The following GPNMB variants were observed in gnomAD, a reference collection of about 807,000 sequenced individuals.
GPNMB encodes transmembrane glycoprotein NMB.
Under a neutral mutation model 57.3 loss-of-function variants are expected in GPNMB, and 71 were observed. The ratio of observed to expected loss-of-function variants is 1.24; its 90% CI spans 1.02 to 1.51. The LOEUF (loss-of-function observed/expected upper bound fraction) is 1.51, where lower values mean the gene tolerates loss of function less well. GPNMB is among the 40% of genes most tolerant of loss of function. GPNMB has a pLI of 0.00. For synonymous variants in GPNMB, 253 were observed against 263.2 expected (o/e 0.96, Z 0.38); for missense variants, 677 against 691.9 (o/e 0.98, Z 0.24).
At chr7:23,262,436 G>C (rs991436607) in intron 6 of GPNMB, among the ~76,000 whole-genome samples, 3 of 151,530 alleles carry the variant, frequency 2.0e-5, no homozygotes, top group East Asian at 3.9e-4. Flanking sequence ...GTGTAAATGG[G>C]TTCATTTACA....
chr7:23,260,342 T>C, intron 5 of GPNMB, 114 bp from the exon 6 acceptor site: 2 of 1,073,924 alleles, frequency 1.9e-6, no homozygotes, highest in Non-Finnish European at 2.7e-6. Context: ...AAAAGGAAAA[T>C]AATGCTAAAT....
Position 23,269,958 on chromosome 7 carries a change from C to T in GPNMB, c.1221-9C>T, listed in dbSNP as rs1562643594. 1 of 1,611,344 alleles carries T rather than the reference C, an allele frequency of 6.2e-7. No individual in the cohort carries two copies. On this transcript the variant is annotated splice_polypyrimidine_tract_variant and intron_variant, in intron 8 of 10. Transcript: ENST00000258733. ...CCCTGTGCGCCCTCGCCCACCTCCC[C>T]TGTCGCAGCATTCCCACGGAGGTCT... is the stretch of plus-strand genomic sequence containing the variant.
At chr7:23,247,832 C>T (rs2128480246) in intron 1 of GPNMB, 1 of 152,402 alleles carries the variant, frequency 6.6e-6, no homozygotes, top group South Asian at 2.1e-4. Flanking sequence ...AGTCCCATCA[C>T]AGGGAGCTGA....
chr7:23,267,713 C>T (rs560187413), intron 7 of GPNMB, among the ~76,000 whole-genome samples, 173 bp from the exon 8 acceptor site: 1 of 152,214 alleles, frequency 6.6e-6, no homozygotes, highest in African/African-American at 2.4e-5. Flanking sequence ...AGGCTTCACC[C>T]TCATGACCTA....
chr7:23,260,459 A>G lies in GPNMB; in HGVS notation c.704A>G (p.Gln235Arg). The change falls in exon 6 of 11, where the codon CAG becomes CGG. Residue 235 changes from glutamine (Q) to arginine (R), a missense_variant. By Grantham distance (43) the Gln-to-Arg change is conservative. Transcript: ENST00000258733. ...CTTTGGGGGATGTATCTTTTAGATC[A>G]GATTCCTGTGTTTGTGACTATGTTC... ...QVKDVYVVTD[Q>R]IPVFVTMFQK... The G allele has an allele frequency of 1.9e-6, 3 of 1,607,322 alleles. No homozygotes were observed. Among genetic ancestry groups the G allele is most frequent in the Non-Finnish European group, 2.6e-6 (3 of 1,175,428 alleles).
chr7:23,271,186 A>G (rs7794684), intron 9 of GPNMB, among the ~76,000 whole-genome samples: 52,329 of 152,068 alleles, frequency 0.34, 9,137 homozygotes, highest in Middle Eastern at 0.45. Context: ...TTGCACTCCT[A>G]TGAGAATGTA....
In GPNMB at chr7:23,274,456, C is replaced by T. The variant is rs143874114; in HGVS notation, c.*232C>T. ...AAAGCAACTTAGCAAGGCTTCTTTT[C>T]ATTATTTTTTATGTTTCACTTATAA... On this transcript the variant is annotated 3_prime_UTR_variant, in exon 11 of 11. Transcript: ENST00000258733. 1 of 395,458 alleles carries T rather than the reference C, an allele frequency of 2.5e-6. No homozygotes were observed. The highest frequency in any genetic ancestry group is 2.1e-5 in the African/African-American group (1 of 47,994). The allele number at this position is 395,458 out of a possible 1,614,324, so 24.5% of individuals were successfully genotyped here. A position where few individuals can be genotyped will look rare whatever the true frequency, so the allele number is the denominator to read the frequency against.
chr7:23,271,719 C>T (rs1033996559), intron 9 of GPNMB, among the ~76,000 whole-genome samples: 1 of 151,918 alleles, frequency 6.6e-6, no homozygotes, highest in South Asian at 2.1e-4. Flanking sequence ...TAATTTGAAC[C>T]CTGGAGGCAG....
chr7:23,254,957 G>C (rs1236628043), intron 3 of GPNMB, among the ~76,000 whole-genome samples: 1 of 152,100 alleles, frequency 6.6e-6, no homozygotes, highest in Non-Finnish European at 1.5e-5. Flanking sequence ...TATCACCTGA[G>C]GTCAGGAGTT....
chr7:23,269,958 CT>C lies in GPNMB; in HGVS notation c.1221-8del. The stretch of plus-strand genomic sequence containing the variant: ...CCCTGTGCGCCCTCGCCCACCTCCC[CT>C]GTCGCAGCATTCCCACGGAGGTCTG... On this transcript the variant is annotated splice_polypyrimidine_tract_variant and splice_region_variant and intron_variant, in intron 8 of 10. Transcript: ENST00000258733. 6.2e-7 allele frequency: 1 copy of C among 1,611,344 alleles called. No homozygotes were observed. Among genetic ancestry groups the C allele is most frequent in the Non-Finnish European group, 8.5e-7 (1 of 1,177,628 alleles).
In GPNMB at chr7:23,254,149, C is replaced by T; in HGVS notation, c.224-20C>T. On this transcript the variant is annotated intron_variant, in intron 2 of 10. Coordinates refer to ENST00000258733, the MANE Select transcript of GPNMB (RefSeq NM_002510.3). ...GGAAAAAGATGCTGGATCATCGAGCCCCACTTTTTTATACCCTAGGAGGCC... is the reference window on the plus strand; with the variant it reads ...GGAAAAAGATGCTGGATCATCGAGCTCCACTTTTTTATACCCTAGGAGGCC... 1.3e-6 allele frequency: 2 copies of T among 1,586,294 alleles called. No homozygotes were observed. The highest frequency in any genetic ancestry group is 1.7e-6 in the Non-Finnish European group (2 of 1,169,482).
chr7:23,251,621 C>T (rs2128480938), intron 1 of GPNMB, among the ~76,000 whole-genome samples: 1 of 152,312 alleles, frequency 6.6e-6, no homozygotes, highest in Non-Finnish European at 1.5e-5. Flanking sequence ...TTTGTGTCCT[C>T]ATAGTTAAAT....
At chr7:23,273,647 A>C in intron 10 of GPNMB, 33 bp downstream of exon 10, 1 of 1,256,726 alleles carries the variant, frequency 8.0e-7, no homozygotes, top group Non-Finnish European at 1.2e-6. Context: ...TTATATCACT[A>C]TAGTGTATTG....
chr7:23,253,187 A>G, intron 1 of GPNMB, 120 bp from the exon 2 acceptor site: 1 of 756,962 alleles, frequency 1.3e-6, no homozygotes, highest in Non-Finnish European at 2.1e-6. Flanking sequence ...CCCTCTGTTT[A>G]CTTGATGCAC....
chr7:23,248,171 G>A (rs182042178), intron 1 of GPNMB, among the ~76,000 whole-genome samples: 59 of 152,302 alleles, frequency 3.9e-4, no homozygotes, highest in African/African-American at 1.3e-3. Context: ...CTGGGTAATT[G>A]TGTTCTTGTG....
chr7:23,256,795 T>C (rs1782788598), intron 3 of GPNMB, 97 bp from the exon 4 acceptor site: 2 of 947,548 alleles, frequency 2.1e-6, no homozygotes, highest in South Asian at 1.6e-5. Flanking sequence ...AAACTAGTTA[T>C]GAAAAAAATA....
Position 23,275,081 on chromosome 7 carries a change from C to T in GPNMB, c.*857C>T, listed in dbSNP as rs1412447571. Reference sequence around the variant, plus strand: ...ACATGACATTCTTTTTCTCTCCTTCCTGAAAAATAAAGTGTGGGAAGAGAC... The same window carrying T: ...ACATGACATTCTTTTTCTCTCCTTCTTGAAAAATAAAGTGTGGGAAGAGAC... On this transcript the variant is annotated 3_prime_UTR_variant, in exon 11 of 11. Coordinates refer to ENST00000258733, the MANE Select transcript of GPNMB (RefSeq NM_002510.3). The T allele has an allele frequency of 6.6e-6, 1 of 151,880 alleles. No homozygotes were observed. Among genetic ancestry groups the T allele is most frequent in the African/African-American group, 2.4e-5 (1 of 41,348 alleles). The allele number at this position is 151,880 out of a possible 1,614,324, so 9.4% of individuals were successfully genotyped here. A position where few individuals can be genotyped will look rare whatever the true frequency, so the allele number is the denominator to read the frequency against.
rs143494334 is a variant in GPNMB at position 23,258,134 on chromosome 7, G to T, written c.541+1069G>T. 992 of 152,228 alleles carry T rather than the reference G, an allele frequency of 6.5e-3. 11 individuals are homozygous for T. The highest frequency in any genetic ancestry group is 0.023 in the African/African-American group (937 of 41,534). 9.4% of individuals were successfully genotyped at this position (152,228 alleles called of 1,614,324 possible). ...TGATTACTTTTAGAAGGAGCAAATT[G>T]AGCTTATTATTAATTAGGCTGCTAA... is the stretch of plus-strand genomic sequence containing the variant. On this transcript the variant is annotated intron_variant, in intron 4 of 10. Coordinates refer to ENST00000258733, the MANE Select transcript of GPNMB (RefSeq NM_002510.3).
chr7:23,247,237 C>A, intron 1 of GPNMB: 1 of 382,352 alleles, frequency 2.6e-6, no homozygotes, highest in South Asian at 2.5e-5. Flanking sequence ...GGACAGCCTC[C>A]GGCCACAGAA....
Sources: gnomAD v4.1 joint callset for allele counts (sites outside exome capture counted in the v4.1 genomes callset) on GRCh38, gnomAD v4.1.1 for gene constraint, MANE v1.5 for transcripts, NCBI Gene and HGNC (gene_info 2026-07-23, HGNC 2026-07-21) for gene names.